PLEKHH3: variants seen among roughly 807,000 people sequenced by gnomAD.
The protein encoded by PLEKHH3 is pleckstrin homology, MyTH4 and FERM domain containing H3.
In PLEKHH3, 57 loss-of-function variants were observed where a neutral mutation model predicts 77.8. The ratio of observed to expected loss-of-function variants is 0.73; its 90% CI spans 0.59 to 0.91. PLEKHH3 has a LOEUF of 0.91. Among genes scored for constraint, PLEKHH3 ranks in the 40% least tolerant of loss-of-function variants. The probability of loss-of-function intolerance (pLI) is 0.00; values close to 1 mark genes in which losing one functional copy is unlikely to be tolerated. For synonymous variants in PLEKHH3, 467 were observed against 504.8 expected (o/e 0.93, Z 1.00); for missense variants, 1,082 against 1,091.2 (o/e 0.99, Z 0.12).
Position 42,667,962 on chromosome 17 carries a change from ATAAAT to A in PLEKHH3, c.*160_*164del, listed in dbSNP as rs2052591268. The A allele has an allele frequency of 9.5e-6, 5 of 525,346 alleles. No homozygotes were observed. The highest frequency in any genetic ancestry group is 2.0e-5 in the African/African-American group (1 of 50,772). 32.5% of individuals were successfully genotyped at this position (525,346 alleles called of 1,614,324 possible). Reference sequence around the variant, plus strand: ...TTTTTTTTTTGCTTCTCTTCTACAAATAAATTAAGAAACAAACTAGAAAATTACCC... The same window carrying A: ...TTTTTTTTTTGCTTCTCTTCTACAAATAAGAAACAAACTAGAAAATTACCC... On this transcript the variant is annotated 3_prime_UTR_variant, in exon 13 of 13. Transcript: ENST00000591022.
Position 42,670,302 on chromosome 17 carries a change from C to T in PLEKHH3, c.1629G>A (p.Leu543=), listed in dbSNP as rs1222239343. The T allele has an allele frequency of 7.3e-7, 1 of 1,370,094 alleles. No homozygotes were observed. The highest frequency in any genetic ancestry group is 9.4e-7 in the Non-Finnish European group (1 of 1,067,980). The allele number at this position is 1,370,094 out of a possible 1,614,324, so 84.9% of individuals were successfully genotyped here. A position where few individuals can be genotyped will look rare whatever the true frequency, so the allele number is the denominator to read the frequency against. Residue 543 remains leucine (L), a synonymous_variant, in exon 11 of 13, where the codon CTG becomes CTA. Transcript: ENST00000591022. The stretch of plus-strand genomic sequence containing the variant: ...GAGAGAAGTCCCGCTGCAGGCTCTG[C>T]AGGCGCAGCGCCGCCAGGGCGCGCA... ...DTLRALAALR[L]QSLQRDFSPR... is the part of the protein sequence containing the mutation.
At position 42,676,513 on chromosome 17, in the gene PLEKHH3, G is replaced by C; in HGVS notation, c.51C>G (p.Phe17Leu). 6.2e-7 allele frequency: 1 copy of C among 1,601,860 alleles called. No homozygotes were observed. The highest frequency in any genetic ancestry group is 8.5e-7 in the Non-Finnish European group (1 of 1,174,482). Residue 17 changes from phenylalanine (F) to leucine (L), a missense_variant, in exon 1 of 13, where the codon TTC becomes TTG. Transcript: ENST00000591022. The surrounding 1 kb of genome is among the most constrained non-coding windows in gnomAD (Gnocchi z 6.6). ...CCCCGTAGTCCCGGTGCAGAAGAGT[G>C]AAGCCTCGACGGCAGCAGAGAAGCC... The part of the protein sequence containing the change: ...LWWLLCCRRG[F>L]TLLHRDYGDG...
rs931816750 is a variant in PLEKHH3, at chr17:42,670,393, C to G, written c.1555-17G>C. The G allele has an allele frequency of 2.8e-6, 4 of 1,445,962 alleles. No individual in the cohort carries two copies. In the African/African-American group the frequency reaches 5.8e-5, roughly 21 times the overall value. 89.6% of individuals were successfully genotyped at this position (1,445,962 alleles called of 1,614,324 possible). On this transcript the variant is annotated splice_polypyrimidine_tract_variant and intron_variant, in intron 10 of 12. Coordinates refer to ENST00000591022, the MANE Select transcript of PLEKHH3 (RefSeq NM_024927.5). Reference sequence around the variant, plus strand: ...AGCGTGAGCCTGCAGGGGAGGCACCCGGCGTCAGTGTACGAGCGGCGGCGG... The same window carrying G: ...AGCGTGAGCCTGCAGGGGAGGCACCGGGCGTCAGTGTACGAGCGGCGGCGG...
Position 42,676,416 on chromosome 17 carries a change from C to G in PLEKHH3, c.148G>C (p.Ala50Pro). 1.2e-6 allele frequency: 2 copies of G among 1,613,340 alleles called. No individual in the cohort carries two copies. Among genetic ancestry groups the G allele is most frequent in the Non-Finnish European group, 1.7e-6 (2 of 1,179,948 alleles). The change falls in exon 1 of 13, where the codon GCG becomes CCG. Residue 50 changes from alanine (A) to proline (P), a missense_variant. Around this residue, in one of 3 missense-constraint regions of PLEKHH3, gnomAD observed 344 missense variants for 320.8 expected, o/e 1.07. Coordinates refer to ENST00000591022, the MANE Select transcript of PLEKHH3 (RefSeq NM_024927.5). This position sits in a 1 kb window ranked among gnomAD's most constrained non-coding sequence, Gnocchi z 6.6. Reference sequence around the variant, plus strand: ...CCGGGACTTACCCTCCCGCCGCCCGCTGGACTCGGGGTCCGCAGCTCAAAG... The same window carrying G: ...CCGGGACTTACCCTCCCGCCGCCCGGTGGACTCGGGGTCCGCAGCTCAAAG... ...ETFELRTPSP[A>P]GGGRGPLEVT...
At chr17:42,674,857 C>T (rs1201073363) in intron 1 of PLEKHH3, 2 of 165,734 alleles carry the variant, frequency 1.2e-5, no homozygotes, top group Non-Finnish European at 2.6e-5. Context: ...CTCATTTTCC[C>T]TTCTTCCACA....
rs2052593356 is a variant in PLEKHH3, at chr17:42,668,063, C to G, written c.*64G>C. On this transcript the variant is annotated 3_prime_UTR_variant, in exon 13 of 13. Coordinates refer to ENST00000591022, the MANE Select transcript of PLEKHH3 (RefSeq NM_024927.5). ...GGGCCAAAAGGGTCCATGTTTCCCT[C>G]AAATCTCAGAGCAGTCCTGGCCCAG... The G allele has an allele frequency of 7.8e-7, 1 of 1,275,236 alleles. No homozygotes were observed. Among genetic ancestry groups the G allele is most frequent in the Admixed American group, 4.2e-5 (1 of 24,086 alleles). 79.0% of individuals were successfully genotyped at this position (1,275,236 alleles called of 1,614,324 possible).
Position 42,670,589 on chromosome 17 carries a change from G to A in PLEKHH3, c.1538C>T (p.Pro513Leu). 2 of 1,610,874 alleles carry A rather than the reference G, an allele frequency of 1.2e-6. No homozygotes were observed. Among genetic ancestry groups the A allele is most frequent in the Non-Finnish European group, 1.7e-6 (2 of 1,178,108 alleles). The change falls in exon 10 of 13, where the codon CCT (proline) becomes CTT (leucine). Residue 513 changes from proline to leucine, a missense_variant. Pro to Leu is a moderately conservative substitution (Grantham distance 98). Transcript: ENST00000591022. ...EGLSPDGHEL[P>L]FLFEQAHALL... is the part of the protein sequence containing the mutation. ...GAGCCTCACCTGCTCAAAGAGGAAA[G>A]GCAGTTCGTGACCGTCTGGGGACAG... is the stretch of plus-strand genomic sequence containing the variant.
Position 42,667,937 on chromosome 17 carries a change from T to C in PLEKHH3, c.*190A>G, listed in dbSNP as rs550546278. The C allele has an allele frequency of 3.3e-4, 150 of 458,580 alleles. No individual in the cohort carries two copies. The highest frequency in any genetic ancestry group is 4.6e-4 in the Non-Finnish European group (131 of 284,858). The allele number at this position is 458,580 out of a possible 1,614,324, so 28.4% of individuals were successfully genotyped here. On this transcript the variant is annotated 3_prime_UTR_variant, in exon 13 of 13. Transcript: ENST00000591022. ...GGTTTGTGTAAATAAGAAACTTTTTTTTTTTTTTTGCTTCTCTTCTACAAA... is the reference window on the plus strand; with the variant it reads ...GGTTTGTGTAAATAAGAAACTTTTTCTTTTTTTTTGCTTCTCTTCTACAAA...
intron 9 of PLEKHH3, 140 bp downstream of exon 9, chr17:42,670,854 G>T: frequency 6.6e-7 from 1 of 1,518,248 alleles, no homozygotes; most frequent in Non-Finnish European, 8.9e-7. Flanking sequence ...GCAAACCTGC[G>T]GCGGGCAGGT....
chr17:42,672,006 T>A, intron 7 of PLEKHH3, 80 bp downstream of exon 7: 1 of 1,203,484 alleles, frequency 8.3e-7, no homozygotes, highest in East Asian at 2.6e-5. Flanking sequence ...ACCTACCAAG[T>A]CTTTTGCAAA....
chr17:42,671,988 G>C lies in PLEKHH3; in HGVS notation c.1076+98C>G, dbSNP rs1016968107. ...CACAAAGGCACTGTATGTATTACTC[G>C]GTTCTTTACCTACCAAGTCTTTTGC... On this transcript the variant is annotated intron_variant, in intron 7 of 12. Transcript: ENST00000591022. This position sits in a 1 kb window ranked among gnomAD's most constrained non-coding sequence, Gnocchi z 4.7. The C allele has an allele frequency of 5.9e-6, 6 of 1,018,240 alleles. No individual in the cohort carries two copies. In the East Asian group the frequency reaches 8.0e-5, roughly 14 times the overall value. 63.1% of individuals were successfully genotyped at this position (1,018,240 alleles called of 1,614,324 possible).
intron 10 of PLEKHH3, 71 bp downstream of exon 10, chr17:42,670,502 G>A: frequency 6.5e-7 from 1 of 1,550,314 alleles, no homozygotes; most frequent in African/African-American, 1.4e-5. Flanking sequence ...GTGATGAAAT[G>A]AGACGGCCTA....
Position 42,671,279 on chromosome 17 carries a change from G to A in PLEKHH3, c.1284+72C>T. ...AGACTCGGGGCAAACCTAGGGTCCA[G>A]GAAGAGGGAGAGACAGGCGTGAGAA... is the stretch of plus-strand genomic sequence containing the variant. On this transcript the variant is annotated intron_variant, in intron 8 of 12. Coordinates refer to ENST00000591022, the MANE Select transcript of PLEKHH3 (RefSeq NM_024927.5). The surrounding 1 kb of genome is among the most constrained non-coding windows in gnomAD (Gnocchi z 4.7). 2 of 1,571,696 alleles carry A rather than the reference G, an allele frequency of 1.3e-6. No individual in the cohort carries two copies. Among genetic ancestry groups the A allele is most frequent in the Non-Finnish European group, 1.7e-6 (2 of 1,153,716 alleles).
At chr17:42,674,327 A>G in intron 2 of PLEKHH3, 27 bp downstream of exon 2, 1 of 1,547,342 alleles carries the variant, frequency 6.5e-7, no homozygotes, top group Non-Finnish European at 8.7e-7. Flanking sequence ...GGGTCGCCAG[A>G]CTATGGGACG....
rs531627344 is a variant in PLEKHH3 at position 42,672,406 on chromosome 17, G to A, written c.770-14C>T. ...CATAGCCCGGACCTGTGGGAGGGTG[G>A]GGGCGGAGGGACGGTTTGGAGAGGG... On this transcript the variant is annotated splice_polypyrimidine_tract_variant and intron_variant, in intron 6 of 12. Transcript: ENST00000591022. 2.7e-6 allele frequency: 4 copies of A among 1,492,966 alleles called. No individual in the cohort carries two copies. In the African/African-American group the frequency reaches 5.6e-5, roughly 21 times the overall value. 92.5% of individuals were successfully genotyped at this position (1,492,966 alleles called of 1,614,324 possible).
rs551802114 is a variant in PLEKHH3 at position 42,670,134 on chromosome 17, C to T, written c.1797G>A (p.Arg599=). 7.0e-4 allele frequency: 886 copies of T among 1,260,672 alleles called. 11 individuals carry two copies. The African/African-American group carries it at 0.013, about 18-fold the overall frequency. The allele number at this position is 1,260,672 out of a possible 1,614,324, so 78.1% of individuals were successfully genotyped here. ...GALWSPGLAK[R]RAERARRGGA... ...CGCCGCGCCGGGCCCGCTCCGCCCG[C>T]CTCTTGGCCAGGCCCGGGCTCCAGA... Residue 599 remains arginine (R), a synonymous_variant, in exon 11 of 13, where the codon AGG becomes AGA. Coordinates refer to ENST00000591022, the MANE Select transcript of PLEKHH3 (RefSeq NM_024927.5).
Position 42,669,454 on chromosome 17 carries a change from G to A in PLEKHH3, c.2181C>T (p.Ser727=). 2 of 1,561,874 alleles carry A rather than the reference G, an allele frequency of 1.3e-6. No individual in the cohort carries two copies. The highest frequency in any genetic ancestry group is 1.7e-6 in the Non-Finnish European group (2 of 1,148,744). Residue 727 remains serine, a synonymous_variant, in exon 12 of 13, where the codon AGC becomes AGT. Transcript: ENST00000591022. ...PHTLALRVGE[S]QLLLQSPQVE... The stretch of plus-strand genomic sequence containing the variant: ...CCTGGGGGCTCTGCAGGAGGAGCTG[G>A]CTCTCTCCCACCCTCAAGGCCAGGG...
chr17:42,669,397 TCTC>T (rs780847666), intron 12 of PLEKHH3, 30 bp downstream of exon 12: 39 of 1,494,470 alleles, frequency 2.6e-5, no homozygotes, highest in South Asian at 2.2e-4. Context: ...GCTTCCCTTC[TCTC>T]CTCCTCCCAC....
At position 42,676,751 on chromosome 17, in the gene PLEKHH3, G is replaced by A; in HGVS notation, c.-188C>T. On this transcript the variant is annotated 5_prime_UTR_variant, in exon 1 of 13. Transcript: ENST00000591022. This position sits in a 1 kb window ranked among gnomAD's most constrained non-coding sequence, Gnocchi z 6.6. ...GGGACGCTAGCCAGACGCTGAGGGGGGCTCAGTGTCTGGGCCCCCGGAGGG... is the reference window on the plus strand; with the variant it reads ...GGGACGCTAGCCAGACGCTGAGGGGAGCTCAGTGTCTGGGCCCCCGGAGGG... The A allele has an allele frequency of 6.4e-6, 4 of 629,230 alleles. No individual in the cohort carries two copies. The highest frequency in any genetic ancestry group is 1.9e-5 in the South Asian group (1 of 52,756). 39.0% of individuals were successfully genotyped at this position (629,230 alleles called of 1,614,324 possible). A position where few individuals can be genotyped will look rare whatever the true frequency, so the allele number is the denominator to read the frequency against.
Sources: gnomAD v4.1 joint callset for allele counts on GRCh38, gnomAD v4.1.1 for gene constraint, gnomAD v4.1.1 regional missense constraint, Gnocchi (gnomAD v3.1) non-coding constraint, MANE v1.5 for transcripts, NCBI Gene and HGNC (gene_info 2026-07-23, HGNC 2026-07-21) for gene names.